The following NBAS variants were observed in gnomAD, a reference collection of about 807,000 sequenced individuals.
The protein encoded by NBAS is NAG/BC035112 fusion.
In NBAS, 219 loss-of-function variants were observed where a neutral mutation model predicts 302.5. The observed-to-expected ratio is 0.72, with a 90% CI of 0.65 to 0.81. The LOEUF is 0.81. NBAS is among the 30% of genes least tolerant of loss of function. The pLI, the probability that NBAS is intolerant of heterozygous loss-of-function variation, is 0.00. For missense variants in NBAS, 2,932 were observed against 2,841.6 expected (o/e 1.03, Z -0.72); for synonymous variants, 1,118 against 1,021.6 (o/e 1.09, Z -1.80).
At chr2:14,785,132 G>C in the NBAS span, among the ~76,000 whole-genome samples, 1 of 152,128 alleles carries the variant, frequency 6.6e-6, no homozygotes. Flanking sequence ...TCTGTTATTG[G>C]TGTATAAGAA....
At chr2:14,942,310 A>G in the NBAS span, among the ~76,000 whole-genome samples, 1 of 152,114 alleles carries the variant, frequency 6.6e-6, no homozygotes, top group Admixed American at 6.5e-5. Flanking sequence ...GTGGAAAGTG[A>G]TTGGATCATG....
intron 35 of NBAS, among the ~76,000 whole-genome samples, chr2:15,336,991 T>G (rs376446890): frequency 1.3e-5 from 2 of 152,078 alleles, no homozygotes; most frequent in African/African-American, 4.8e-5. Flanking sequence ...AAATGCAGGC[T>G]AAGCCAGCAC....
At chr2:15,557,412 T>C (rs1664699241) in intron 2 of NBAS, among the ~76,000 whole-genome samples, 1 of 152,218 alleles carries the variant, frequency 6.6e-6, no homozygotes, top group Admixed American at 6.5e-5. Context: ...AATTTTTTTC[T>C]AATTTGTAGT....
At chr2:15,273,800 G>A (rs1447878483) in intron 44 of NBAS, among the ~76,000 whole-genome samples, 3 of 152,044 alleles carry the variant, frequency 2.0e-5, no homozygotes, top group East Asian at 1.9e-4. Context: ...TATTGGCCGG[G>A]TGCAGTGGCT....
intron 22 of NBAS, among the ~76,000 whole-genome samples, chr2:15,426,652 C>T (rs1198450229): frequency 6.6e-6 from 1 of 152,134 alleles, no homozygotes; most frequent in African/African-American, 2.4e-5. Flanking sequence ...TTCACAAATA[C>T]AGTATCTTCT....
chr2:15,183,533 C>A (rs1227344945), intron 50 of NBAS, among the ~76,000 whole-genome samples: 1 of 152,228 alleles, frequency 6.6e-6, no homozygotes, highest in African/African-American at 2.4e-5. Context: ...AAGCAGTACA[C>A]ATACAGCCTC....
chr2:15,367,749 A>T (rs73197100), intron 31 of NBAS, among the ~76,000 whole-genome samples: 1 of 152,182 alleles, frequency 6.6e-6, no homozygotes, highest in African/African-American at 2.4e-5. Flanking sequence ...GAGATAAAGA[A>T]GAGAGGTGGT....
At position 15,475,778 on chromosome 2, in the gene NBAS, GT is replaced by G; in HGVS notation, c.1249del (p.Thr417LeufsTer2). ...SGALTVSSVK[T>X]LKNLLGKSCE... The stretch of plus-strand genomic sequence containing the variant: ...GGATTTTCCCAGTAAATTCTTCAAA[GT>G]TTTCACAGATGAAACAGTTAAAGCA... On this transcript the variant is annotated frameshift_variant, in exon 14 of 52. Transcript: ENST00000281513. LOFTEE classifies it high-confidence loss of function. 6.2e-7 allele frequency: 1 copy of G among 1,614,074 alleles called. No homozygotes were observed. Among genetic ancestry groups the G allele is most frequent in the Non-Finnish European group, 8.5e-7 (1 of 1,179,984 alleles).
chr2:15,299,004 T>G (rs1670677671), intron 40 of NBAS, among the ~76,000 whole-genome samples: 1 of 152,148 alleles, frequency 6.6e-6, no homozygotes, highest in Non-Finnish European at 1.5e-5. Context: ...ACACCCAGAA[T>G]CACTCGGAAG....
In NBAS at chr2:15,537,437, C is replaced by T. The variant is rs78415533; in HGVS notation, c.514-886G>A. On this transcript the variant is annotated intron_variant, in intron 7 of 51. Transcript: ENST00000281513. ...TACCACCTCAAAAAGCCAAAATTCCCTTTCCTTTGTCTAGTCACATCTCAA... is the reference window on the plus strand; with the variant it reads ...TACCACCTCAAAAAGCCAAAATTCCTTTTCCTTTGTCTAGTCACATCTCAA... 7.7e-3 allele frequency among the ~76,000 whole-genome samples: 1,170 copies of T among 152,276 alleles called. 19 individuals are homozygous for T. The highest frequency in any genetic ancestry group is 0.057 in the East Asian group (294 of 5,180).
intron 11 of NBAS, among the ~76,000 whole-genome samples, chr2:15,502,342 A>T (rs1371543305): frequency 2.6e-5 from 4 of 152,258 alleles, no homozygotes; most frequent in Admixed American, 6.5e-5. Context: ...CAGCTCTAAA[A>T]TTATAGTACA....
At chr2:15,368,753 G>A (rs1301755041) in intron 31 of NBAS, among the ~76,000 whole-genome samples, 1 of 152,106 alleles carries the variant, frequency 6.6e-6, no homozygotes, top group African/African-American at 2.4e-5. Flanking sequence ...GGCAATTAAT[G>A]TGAGTGGAAA....
intron 23 of NBAS, among the ~76,000 whole-genome samples, chr2:15,421,754 T>G (rs1677225319): frequency 6.6e-6 from 1 of 152,180 alleles, no homozygotes; most frequent in Non-Finnish European, 1.5e-5. Context: ...ATTCAAGGTG[T>G]CCAGGCATTA....
chr2:15,489,828 A>G (rs1280735579), intron 11 of NBAS, among the ~76,000 whole-genome samples: 2 of 152,212 alleles, frequency 1.3e-5, no homozygotes, highest in Non-Finnish European at 2.9e-5. Context: ...TACACTCAGA[A>G]GACCTGAACA....
the NBAS span, among the ~76,000 whole-genome samples, chr2:15,129,677 C>T: frequency 6.6e-6 from 1 of 152,210 alleles, no homozygotes; most frequent in Non-Finnish European, 1.5e-5. Context: ...TTTTTTACCA[C>T]CTGGACATTC....
chr2:15,400,640 G>C (rs760023813), intron 26 of NBAS, among the ~76,000 whole-genome samples: 10 of 152,178 alleles, frequency 6.6e-5, no homozygotes, highest in Non-Finnish European at 1.5e-4. Flanking sequence ...GATGGGAAAA[G>C]TGGGCAGCAA....
rs10605991 is a variant in NBAS, at chr2:15,351,870, GCACACACACA to G, written c.4179+112_4179+121del. ...AGCTGAAAAGAAAAGTGGTCTGCATGCACACACACACACACACACACACACACACACACAA... is the reference window on the plus strand; with the variant it reads ...AGCTGAAAAGAAAAGTGGTCTGCATGCACACACACACACACACACACACAA... On this transcript the variant is annotated intron_variant, in intron 35 of 51. Coordinates refer to ENST00000281513, the MANE Select transcript of NBAS (RefSeq NM_015909.4). 319,000 of 700,392 alleles carry G rather than the reference GCACACACACA, an allele frequency of 0.46. 39,992 individuals are homozygous for G. Among genetic ancestry groups the G allele is most frequent in the Non-Finnish European group, 0.51 (197,275 of 384,502 alleles). 43.4% of individuals were successfully genotyped at this position (700,392 alleles called of 1,614,324 possible).
At chr2:15,504,316 T>C in intron 10 of NBAS, 103 bp from the exon 11 acceptor site, 1 of 955,004 alleles carries the variant, frequency 1.0e-6, no homozygotes, top group Non-Finnish European at 1.6e-6. Context: ...TCTAGTATTT[T>C]TTTAATTGAT....
At chr2:15,331,942 T>C (rs2148238372) in intron 35 of NBAS, among the ~76,000 whole-genome samples, 1 of 152,258 alleles carries the variant, frequency 6.6e-6, no homozygotes, top group African/African-American at 2.4e-5. Flanking sequence ...GCAGAGGATA[T>C]TTCTCAATAA....
Sources: allele counts gnomAD v4.1 joint callset (sites outside exome capture counted in the v4.1 genomes callset), GRCh38; gene constraint gnomAD v4.1.1; transcripts MANE v1.5; gene names NCBI Gene and HGNC (gene_info 2026-07-23, HGNC 2026-07-21).